ADGRD1: variants seen among roughly 807,000 people sequenced by gnomAD.
The protein encoded by ADGRD1 is adhesion G protein-coupled receptor D1.
A neutral mutation model predicts 113.4 loss-of-function variants in ADGRD1; 77 were observed. The ratio of observed to expected loss-of-function variants is 0.68; its 90% CI spans 0.57 to 0.82. ADGRD1 has a LOEUF of 0.82. ADGRD1 is among the 40% of genes least tolerant of loss of function. The pLI is 0.00. For synonymous variants in ADGRD1, 474 were observed against 475.0 expected (o/e 1.00, Z 0.03); for missense variants, 1,036 against 1,139.1 (o/e 0.91, Z 1.30).
At chr12:130,997,760 T>G (rs1216106264) in intron 8 of ADGRD1, among the ~76,000 whole-genome samples, 126 of 139,602 alleles carry the variant, frequency 9.0e-4, no homozygotes, top group African/African-American at 3.2e-3. Context: ...TCCCAGACGA[T>G]GGGCGGCCAG....
intron 8 of ADGRD1, among the ~76,000 whole-genome samples, chr12:130,999,035 A>G (rs1028390570): frequency 6.6e-6 from 1 of 152,268 alleles, no homozygotes; most frequent in Admixed American, 6.5e-5. Flanking sequence ...GTAAAAATAC[A>G]TTATTAAAAT....
chr12:131,108,664 T>C (rs1593229345), intron 17 of ADGRD1, 60 bp from the exon 18 acceptor site: 1 of 1,611,590 alleles, frequency 6.2e-7, no homozygotes, highest in Non-Finnish European at 8.5e-7. Context: ...GCTGGGATCA[T>C]AGCCACGCCC....
intron 2 of ADGRD1, among the ~76,000 whole-genome samples, chr12:130,959,812 A>G (rs1487468209): frequency 6.6e-6 from 1 of 152,208 alleles, no homozygotes; most frequent in East Asian, 1.9e-4. Context: ...ACTTGAAATC[A>G]TTTTAAGCCT....
Position 130,954,763 on chromosome 12 carries a change from C to A in ADGRD1, c.103+103C>A. On this transcript the variant is annotated intron_variant, in intron 2 of 24. Transcript: ENST00000261654. This position sits in a 1 kb window ranked among gnomAD's most constrained non-coding sequence, Gnocchi z 4.7. Reference sequence around the variant, plus strand: ...TCATCTCTGAGGCATCAGCGAATGGCCCTTGTTGGGCTCCTGGTCCCCGAC... The same window carrying A: ...TCATCTCTGAGGCATCAGCGAATGGACCTTGTTGGGCTCCTGGTCCCCGAC... The A allele has an allele frequency of 8.8e-7, 1 of 1,133,926 alleles. No individual in the cohort carries two copies. The highest frequency in any genetic ancestry group is 1.5e-5 in the African/African-American group (1 of 66,030). The allele number at this position is 1,133,926 out of a possible 1,614,324, so 70.2% of individuals were successfully genotyped here.
chr12:131,082,481 A>C (rs1440257441), intron 14 of ADGRD1, among the ~76,000 whole-genome samples: 1 of 152,182 alleles, frequency 6.6e-6, no homozygotes, highest in East Asian at 1.9e-4. Flanking sequence ...CATCTGAGCG[A>C]TGTGACTTTC....
rs1485804623 is a variant in ADGRD1, at chr12:131,060,762, G to T, written c.1474-16039G>T. 6.6e-6 allele frequency among the ~76,000 whole-genome samples: 1 copy of T among 152,114 alleles called. No homozygotes were observed. Among genetic ancestry groups the T allele is most frequent in the African/African-American group, 2.4e-5 (1 of 41,422 alleles). ...TGGATTCTTTTGATCAAAAACTTTG[G>T]GATGCGGAATGTAAAATCACTTATG... On this transcript the variant is annotated intron_variant, in intron 13 of 24. Transcript: ENST00000261654. This position sits in a 1 kb window ranked among gnomAD's most constrained non-coding sequence, Gnocchi z 4.4.
chr12:131,046,455 G>A (rs1401742209), intron 13 of ADGRD1, among the ~76,000 whole-genome samples: 12 of 139,312 alleles, frequency 8.6e-5, no homozygotes, highest in Admixed American at 8.5e-4. Flanking sequence ...TCCCTGGTCA[G>A]TGTCCTCCCT....
chr12:131,062,009 ATTTT>A (rs1192402623), intron 13 of ADGRD1, among the ~76,000 whole-genome samples: 1 of 151,954 alleles, frequency 6.6e-6, no homozygotes, highest in Non-Finnish European at 1.5e-5. Flanking sequence ...CCACAGTTTG[ATTTT>A]TTTGTTTGTT....
At chr12:130,964,539 G>T (rs1354861724) in intron 2 of ADGRD1, among the ~76,000 whole-genome samples, 1 of 152,056 alleles carries the variant, frequency 6.6e-6, no homozygotes, top group Non-Finnish European at 1.5e-5. Flanking sequence ...TACAAAAATT[G>T]CCGGGCATGG....
chr12:131,058,726 A>G (rs1007070738), intron 13 of ADGRD1, among the ~76,000 whole-genome samples: 2 of 152,056 alleles, frequency 1.3e-5, no homozygotes, highest in South Asian at 2.1e-4. Flanking sequence ...TGGGAAATCC[A>G]CGCTATTCTA....
Position 130,971,309 on chromosome 12 carries a change from CAT to C in ADGRD1, c.188-147_188-146del, listed in dbSNP as rs768688542. Reference sequence around the variant, plus strand: ...ATATTACTGATGCTATGAATATTATCATAGAATAATATATGATGTTATAAATA... The same window carrying C: ...ATATTACTGATGCTATGAATATTATCAGAATAATATATGATGTTATAAATA... On this transcript the variant is annotated intron_variant, in intron 3 of 24. Coordinates refer to ENST00000261654, the MANE Select transcript of ADGRD1 (RefSeq NM_198827.5). This position sits in a 1 kb window ranked among gnomAD's most constrained non-coding sequence, Gnocchi z 4.2. The C allele has an allele frequency of 2.7e-5, 10 of 376,868 alleles. No individual in the cohort carries two copies. Among genetic ancestry groups the C allele is most frequent in the African/African-American group, 1.5e-4 (7 of 47,302 alleles). 23.3% of individuals were successfully genotyped at this position (376,868 alleles called of 1,614,324 possible). A position where few individuals can be genotyped will look rare whatever the true frequency, so the allele number is the denominator to read the frequency against.
intron 18 of ADGRD1, among the ~76,000 whole-genome samples, chr12:131,110,656 C>A (rs1950328257): frequency 1.3e-5 from 2 of 152,110 alleles, no homozygotes; most frequent in African/African-American, 2.4e-5. Context: ...ATTTCCATTT[C>A]TGGTTCTCTG....
chr12:131,046,773 C>A (rs1163865708), intron 13 of ADGRD1, among the ~76,000 whole-genome samples: 2 of 129,102 alleles, frequency 1.5e-5, no homozygotes. Flanking sequence ...GTGCTCCCTC[C>A]CTGGTCAGTG....
rs563616190 is a variant in ADGRD1, at chr12:131,086,217, G to T, written c.1671+1554G>T. The stretch of plus-strand genomic sequence containing the variant: ...GATGCTGCCCCGCGTGTCCTGCGTG[G>T]TTTTGTGTGGGTTTTGGGGGTGTTG... On this transcript the variant is annotated intron_variant, in intron 15 of 24. Coordinates refer to ENST00000261654, the MANE Select transcript of ADGRD1 (RefSeq NM_198827.5). Among the ~76,000 whole-genome samples, 126 of 152,346 alleles carry T rather than the reference G, an allele frequency of 8.3e-4. 1 individual carries two copies. The highest frequency in any genetic ancestry group is 1.4e-3 in the East Asian group (7 of 5,180).
At chr12:130,995,624 C>T (rs1875159007) in intron 8 of ADGRD1, among the ~76,000 whole-genome samples, 1 of 152,194 alleles carries the variant, frequency 6.6e-6, no homozygotes, top group African/African-American at 2.4e-5. Context: ...TCAAGGCCAC[C>T]TGTCTGTAAC....
At chr12:131,121,344 T>C (rs1267306358) in intron 20 of ADGRD1, among the ~76,000 whole-genome samples, 6 of 152,232 alleles carry the variant, frequency 3.9e-5, no homozygotes, top group Non-Finnish European at 8.8e-5. Flanking sequence ...TACAGTGGTT[T>C]GCAAGTGACA....
Position 131,003,195 on chromosome 12 carries a change from T to A in ADGRD1, c.1037T>A (p.Val346Glu). The change falls in exon 10 of 25, where the codon GTG becomes GAG. Residue 346 changes from valine to glutamate, a missense_variant. Coordinates refer to ENST00000261654, the MANE Select transcript of ADGRD1 (RefSeq NM_198827.5). The surrounding 1 kb of genome is among the most constrained non-coding windows in gnomAD (Gnocchi z 4.8). ...GWIALSEDSAVVLSLIDTIDT... is the reference protein window; with the variant it reads ...GWIALSEDSAEVLSLIDTIDT... The stretch of plus-strand genomic sequence containing the variant: ...CTTGTGTTGCTGCAGGACAGCGCCG[T>A]GGTACTGAGTCTCATCGACACTATT... The A allele has an allele frequency of 1.2e-6, 2 of 1,613,318 alleles. No homozygotes were observed. Among genetic ancestry groups the A allele is most frequent in the South Asian group, 1.1e-5 (1 of 91,052 alleles).
intron 13 of ADGRD1, among the ~76,000 whole-genome samples, chr12:131,063,434 TA>T (rs1397738869): frequency 1.3e-5 from 2 of 152,266 alleles, no homozygotes; most frequent in African/African-American, 4.8e-5. Context: ...GTTATGGTTT[TA>T]TTTTTTACAT....
At chr12:131,072,566 C>G (rs756560516) in intron 13 of ADGRD1, among the ~76,000 whole-genome samples, 17 of 152,150 alleles carry the variant, frequency 1.1e-4, no homozygotes, top group Non-Finnish European at 2.5e-4. Flanking sequence ...AGATCTGGCC[C>G]CATGATCTCA....
Sources: gnomAD v4.1 joint callset for allele counts (sites outside exome capture counted in the v4.1 genomes callset) on GRCh38, gnomAD v4.1.1 for gene constraint, Gnocchi (gnomAD v3.1) non-coding constraint, MANE v1.5 for transcripts, NCBI Gene and HGNC (gene_info 2026-07-23, HGNC 2026-07-21) for gene names.